ROR1: variants seen among roughly 807,000 people sequenced by gnomAD.
ROR1 encodes the protein ROR family WNT receptor 1, also known as inactive tyrosine-protein kinase transmembrane receptor ROR1.
A neutral mutation model predicts 78.8 loss-of-function variants in ROR1; 19 were observed. The ratio of observed to expected loss-of-function variants is 0.24; its 90% CI spans 0.17 to 0.35. The LOEUF (loss-of-function observed/expected upper bound fraction) is 0.35, where lower values mean the gene tolerates loss of function less well. ROR1 is among the 10% of genes least tolerant of loss of function. ROR1 has a pLI of 1.00. For synonymous variants in ROR1, 386 were observed against 433.6 expected (o/e 0.89, Z 1.36); for missense variants, 917 against 1,177.8 (o/e 0.78, Z 3.24).
At chr1:64,001,870 G>C (rs285381) in intron 1 of ROR1, among the ~76,000 whole-genome samples, 112,931 of 152,082 alleles carry the variant, frequency 0.74, 43,011 homozygotes, top group East Asian at 0.94. Context: ...CGTCCACTTT[G>C]TGTTATCCTT....
chr1:64,171,856 T>C (rs1376283808), intron 8 of ROR1, among the ~76,000 whole-genome samples: 1 of 152,218 alleles, frequency 6.6e-6, no homozygotes, highest in Non-Finnish European at 1.5e-5. Flanking sequence ...CAGAGCAGGC[T>C]TCATGTTGCA....
In ROR1 at chr1:64,137,983, A is replaced by C. The variant is rs77179339; in HGVS notation, c.610+487A>C. Among the ~76,000 whole-genome samples, 690 of 152,366 alleles carry C rather than the reference A, an allele frequency of 4.5e-3. 8 individuals carry two copies. The highest frequency in any genetic ancestry group is 0.016 in the African/African-American group (670 of 41,582). The stretch of plus-strand genomic sequence containing the variant: ...AGTCCCCTTCTTCATCTGTGAAATG[A>C]GTGATGAAGCAAGATGACCATTGGT... On this transcript the variant is annotated intron_variant, in intron 5 of 8. Coordinates refer to ENST00000371079, the MANE Select transcript of ROR1 (RefSeq NM_005012.4).
chr1:63,932,177 C>T (rs992945743), intron 1 of ROR1, among the ~76,000 whole-genome samples: 27 of 152,056 alleles, frequency 1.8e-4, no homozygotes, highest in African/African-American at 5.8e-4. Context: ...GCAAGATGCT[C>T]AATAGACCTG....
In ROR1 at chr1:64,033,290, A is replaced by G. The variant is rs534912189; in HGVS notation, c.164-16401A>G. On this transcript the variant is annotated intron_variant, in intron 2 of 8. Transcript: ENST00000371079. ...ATTCACCTTAATTTTGTTGTTTTCAAAATAATTGCATATACGTGGTTGCAT... is the reference window on the plus strand; with the variant it reads ...ATTCACCTTAATTTTGTTGTTTTCAGAATAATTGCATATACGTGGTTGCAT... Among the ~76,000 whole-genome samples the G allele has an allele frequency of 7.9e-5, 12 of 152,320 alleles. No homozygotes were observed. In the South Asian group the frequency reaches 1.2e-3, roughly 16 times the overall value.
chr1:64,051,891 A>G (rs934273570), intron 4 of ROR1, among the ~76,000 whole-genome samples: 2 of 152,250 alleles, frequency 1.3e-5, no homozygotes, highest in African/African-American at 2.4e-5. Flanking sequence ...ATTTGCTCCA[A>G]TCCCCTCTGT....
At chr1:63,801,264 C>T (rs767435024) in intron 1 of ROR1, among the ~76,000 whole-genome samples, 1 of 151,976 alleles carries the variant, frequency 6.6e-6, no homozygotes, top group Non-Finnish European at 1.5e-5. Flanking sequence ...ATAACATGGA[C>T]GTATTATGTG....
chr1:63,836,962 G>A (rs976167003), intron 1 of ROR1, among the ~76,000 whole-genome samples: 4 of 152,188 alleles, frequency 2.6e-5, no homozygotes, highest in Admixed American at 6.5e-5. Flanking sequence ...CTGTTAACCA[G>A]CATCAAGACA....
At chr1:63,899,270 A>G (rs1055443870) in intron 1 of ROR1, among the ~76,000 whole-genome samples, 1 of 151,130 alleles carries the variant, frequency 6.6e-6, no homozygotes, top group African/African-American at 2.4e-5. Context: ...TGACTGTAGC[A>G]GCATACACAG....
intron 4 of ROR1, among the ~76,000 whole-genome samples, chr1:64,084,345 G>C (rs1647132702): frequency 6.6e-6 from 1 of 152,164 alleles, no homozygotes; most frequent in Non-Finnish European, 1.5e-5. Context: ...ACTCTGTCCA[G>C]GTCTCTCAAC....
chr1:63,910,907 C>T (rs1386017198), intron 1 of ROR1, among the ~76,000 whole-genome samples: 3 of 152,182 alleles, frequency 2.0e-5, no homozygotes, highest in Non-Finnish European at 4.4e-5. Flanking sequence ...CCCTTCTCAC[C>T]AGCCCTGGGC....
Position 63,887,231 on chromosome 1 carries a change from G to GC in ROR1, c.91+112723_91+112724insC, listed in dbSNP as rs561862419. On this transcript the variant is annotated intron_variant, in intron 1 of 8. Coordinates refer to ENST00000371079, the MANE Select transcript of ROR1 (RefSeq NM_005012.4). ...TTTGTTTTGCGTTTTGGGATGGGGG[G>GC]GTTTGGGGATGTATAGGCCATGCTT... Among the ~76,000 whole-genome samples the GC allele has an allele frequency of 6.1e-3, 922 of 151,150 alleles. 6 individuals carry two copies. Among genetic ancestry groups the GC allele is most frequent in the Non-Finnish European group, 9.6e-3 (649 of 67,758 alleles).
At chr1:63,832,024 C>G (rs1446517699) in intron 1 of ROR1, among the ~76,000 whole-genome samples, 1 of 152,200 alleles carries the variant, frequency 6.6e-6, no homozygotes, top group Non-Finnish European at 1.5e-5. Context: ...CAAAATGCCA[C>G]CGGTCTCTTT....
chr1:64,074,703 G>A (rs556649945), intron 4 of ROR1, among the ~76,000 whole-genome samples: 31 of 152,334 alleles, frequency 2.0e-4, no homozygotes, highest in African/African-American at 7.2e-4. Flanking sequence ...ACACCAGATT[G>A]TGCTACCAGT....
intron 1 of ROR1, among the ~76,000 whole-genome samples, chr1:63,966,386 A>G (rs778136896): frequency 1.3e-5 from 2 of 152,196 alleles, no homozygotes; most frequent in Non-Finnish European, 2.9e-5. Context: ...ATGGCTTTTA[A>G]TGAGAACCAT....
At chr1:63,970,481 C>T (rs1646110822) in intron 1 of ROR1, among the ~76,000 whole-genome samples, 1 of 152,118 alleles carries the variant, frequency 6.6e-6, no homozygotes, top group Admixed American at 6.6e-5. Context: ...TTGGTCCTTC[C>T]TTGGACCAAA....
chr1:63,830,086 G>A (rs1278347920), intron 1 of ROR1, among the ~76,000 whole-genome samples: 2 of 152,130 alleles, frequency 1.3e-5, no homozygotes, highest in Non-Finnish European at 2.9e-5. Flanking sequence ...AGGGACATGG[G>A]TAACGCTAGA....
At chr1:63,858,662 T>C (rs1263349504) in intron 1 of ROR1, among the ~76,000 whole-genome samples, 1 of 152,208 alleles carries the variant, frequency 6.6e-6, no homozygotes, top group Non-Finnish European at 1.5e-5. Context: ...TTGTCTTGTT[T>C]AGATGAGGGT....
intron 1 of ROR1, among the ~76,000 whole-genome samples, chr1:63,848,189 T>C (rs1291696551): frequency 6.6e-6 from 1 of 152,238 alleles, no homozygotes; most frequent in Non-Finnish European, 1.5e-5. Flanking sequence ...CTGTATTTAA[T>C]GGCTAAAGCA....
chr1:63,898,584 G>C (rs1645459764), intron 1 of ROR1, among the ~76,000 whole-genome samples: 1 of 150,408 alleles, frequency 6.6e-6, no homozygotes, highest in Non-Finnish European at 1.5e-5. Context: ...GAAGGAAAGA[G>C]AGAGAGAAAA....
Sources: gnomAD v4.1 joint callset for allele counts (sites outside exome capture counted in the v4.1 genomes callset) on GRCh38, gnomAD v4.1.1 for gene constraint, MANE v1.5 for transcripts, NCBI Gene and HGNC (gene_info 2026-07-23, HGNC 2026-07-21) for gene names.